Variants in ZKSCAN7 observed in about 807,000 individuals in gnomAD.
The protein encoded by ZKSCAN7 is zinc finger protein with KRAB and SCAN domains 7.
In ZKSCAN7, 38 loss-of-function variants were observed where a neutral mutation model predicts 65.3. The observed-to-expected ratio is 0.58, with a 90% CI of 0.45 to 0.76. ZKSCAN7 has a LOEUF of 0.76. Among genes scored for constraint, ZKSCAN7 ranks in the 30% least tolerant of loss-of-function variants. The probability of loss-of-function intolerance (pLI) is 0.00; values close to 1 mark genes in which losing one functional copy is unlikely to be tolerated. For missense variants in ZKSCAN7, 815 were observed against 913.3 expected (o/e 0.89, Z 1.39); for synonymous variants, 321 against 321.0 (o/e 1.00, Z 0.00).
chr3:44,566,612 T>TTTTA (rs1699638642), intron 3 of ZKSCAN7, among the ~76,000 whole-genome samples: 1 of 151,988 alleles, frequency 6.6e-6, no homozygotes, highest in Non-Finnish European at 1.5e-5. Flanking sequence ...GATAAGAACA[T>TTTTA]TTTATTTATT....
In ZKSCAN7 at chr3:44,571,254, G is replaced by T; in HGVS notation, c.2144G>T (p.Gly715Val). The change falls in exon 6 of 6, where the codon GGA becomes GTA. Residue 715 changes from glycine (G) to valine (V), a missense_variant. Around this residue, in one of 3 missense-constraint regions of ZKSCAN7, gnomAD observed 578 missense variants for 629.5 expected, o/e 0.92. Coordinates refer to ENST00000426540, the MANE Select transcript of ZKSCAN7 (RefSeq NM_001288590.2). ...ATTGTACACCAGAGAGTCCACACCGGAGAGAAACCTTATGAATGTAGTGAA... is the reference window on the plus strand; with the variant it reads ...ATTGTACACCAGAGAGTCCACACCGTAGAGAAACCTTATGAATGTAGTGAA... The part of the protein sequence containing the change: ...QLIVHQRVHT[G>V]EKPYECSECG... 6.2e-7 allele frequency: 1 copy of T among 1,614,218 alleles called. No homozygotes were observed. The highest frequency in any genetic ancestry group is 8.5e-7 in the Non-Finnish European group (1 of 1,180,044).
intron 5 of ZKSCAN7, 100 bp from the exon 6 acceptor site, chr3:44,569,822 C>G (rs1276326197): frequency 7.0e-7 from 1 of 1,435,256 alleles, no homozygotes; most frequent in Non-Finnish European, 9.1e-7. Flanking sequence ...ATTTCTTAAC[C>G]ATAATGTGAC....
chr3:44,572,089 T>C lies in ZKSCAN7; in HGVS notation c.*714T>C, dbSNP rs1180230783. The C allele has an allele frequency of 5.1e-6, 5 of 984,322 alleles. No homozygotes were observed. The highest frequency in any genetic ancestry group is 6.0e-6 in the Non-Finnish European group (5 of 828,902). 61.0% of individuals were successfully genotyped at this position (984,322 alleles called of 1,614,324 possible). On this transcript the variant is annotated 3_prime_UTR_variant, in exon 6 of 6. Coordinates refer to ENST00000426540, the MANE Select transcript of ZKSCAN7 (RefSeq NM_001288590.2). ...ATTGTAGGCTCTTTGAGGTCAGGTA[T>C]GTATTTCTTTCCCATATAGATAGTA...
chr3:44,568,475 C>T lies in ZKSCAN7; in HGVS notation c.811+42C>T, dbSNP rs1428322624. 3.8e-6 allele frequency: 6 copies of T among 1,590,358 alleles called. No homozygotes were observed. The African/African-American group carries it at 5.4e-5, about 14-fold the overall frequency. The stretch of plus-strand genomic sequence containing the variant: ...CTAGTCACTTAAAGTCTGCATGCTG[C>T]ACAATCTCTTTTCTATATTCCTTGT... On this transcript the variant is annotated intron_variant, in intron 5 of 5. Transcript: ENST00000426540.
At chr3:44,575,515 G>A (rs966956612), downstream of ZKSCAN7, among the ~76,000 whole-genome samples, 1 of 152,176 alleles carries the variant, frequency 6.6e-6, no homozygotes, top group Admixed American at 6.5e-5. Flanking sequence ...GTTTTATCAA[G>A]TTATAAAAAA....
chr3:44,568,236 C>G (rs1575370039), intron 4 of ZKSCAN7, 71 bp from the exon 5 acceptor site: 1 of 1,575,954 alleles, frequency 6.3e-7, no homozygotes, highest in Admixed American at 1.8e-5. Flanking sequence ...TACCCTGTGC[C>G]CTTCGTACCC....
At chr3:44,563,766 G>A (rs979347792) in intron 2 of ZKSCAN7, among the ~76,000 whole-genome samples, 7 of 151,956 alleles carry the variant, frequency 4.6e-5, no homozygotes, top group African/African-American at 1.7e-4. Context: ...TAATGAACAG[G>A]AACTTTACCA....
chr3:44,579,876 G>A (rs1700022794), intron 5 of ZKSCAN7: 3 of 1,609,424 alleles, frequency 1.9e-6, no homozygotes, highest in Admixed American at 1.7e-5. Flanking sequence ...TTGAAATTCA[G>A]CAGGTCGGGC....
Position 44,572,004 on chromosome 3 carries a change from A to G in ZKSCAN7, c.*629A>G, listed in dbSNP as rs1356065447. 2 of 985,984 alleles carry G rather than the reference A, an allele frequency of 2.0e-6. No homozygotes were observed. The allele number at this position is 985,984 out of a possible 1,614,324, so 61.1% of individuals were successfully genotyped here. ...GCTTTGAATTCACTGGTGCTACAAT[A>G]TGTAACTGTGGTTAATTGCCTTGTA... is the stretch of plus-strand genomic sequence containing the variant. On this transcript the variant is annotated 3_prime_UTR_variant, in exon 6 of 6. Coordinates refer to ENST00000426540, the MANE Select transcript of ZKSCAN7 (RefSeq NM_001288590.2).
At chr3:44,569,364 C>CT (rs1224089427) in intron 5 of ZKSCAN7, among the ~76,000 whole-genome samples, 1 of 152,184 alleles carries the variant, frequency 6.6e-6, no homozygotes, top group African/African-American at 2.4e-5. Context: ...TTAGGGCAGT[C>CT]TTTTTACTGT....
downstream of ZKSCAN7, among the ~76,000 whole-genome samples, chr3:44,573,041 A>C (rs1396057942): frequency 6.6e-6 from 1 of 152,118 alleles, no homozygotes; most frequent in African/African-American, 2.4e-5. Flanking sequence ...AGTCCTATCT[A>C]CCTACAACTG....
chr3:44,581,481 C>G (rs144621264), intron 5 of ZKSCAN7, among the ~76,000 whole-genome samples: 1 of 152,134 alleles, frequency 6.6e-6, no homozygotes, highest in African/African-American at 2.4e-5. Context: ...GGTTAGAGAA[C>G]TTTTTGGTTT....
chr3:44,557,353 C>T lies in ZKSCAN7; in HGVS notation c.306C>T (p.Phe102=), dbSNP rs768595487. 7.4e-6 allele frequency: 12 copies of T among 1,614,156 alleles called. No individual in the cohort carries two copies. Among genetic ancestry groups the T allele is most frequent in the Non-Finnish European group, 1.0e-5 (12 of 1,180,062 alleles). The stretch of plus-strand genomic sequence containing the variant: ...TGGAGCTGCTGGTGCTTGAGCAGTT[C>T]CTGAGCATCCTCCCTGGGGAGCTCC... The part of the protein sequence containing the change: ...QILELLVLEQ[F]LSILPGELRT... The change falls in exon 2 of 6, where the codon TTC becomes TTT. Residue 102 remains phenylalanine (F), a synonymous_variant. Transcript: ENST00000426540.
At chr3:44,560,504 A>G (rs1699437137) in intron 2 of ZKSCAN7, among the ~76,000 whole-genome samples, 1 of 96,536 alleles carries the variant, frequency 1.0e-5, no homozygotes, top group South Asian at 4.4e-4. Context: ...TGTTTCCTGT[A>G]TCTTTTTTTT....
chr3:44,573,294 G>A (rs146395105), downstream of ZKSCAN7, among the ~76,000 whole-genome samples: 562 of 152,242 alleles, frequency 3.7e-3, 2 homozygotes, highest in African/African-American at 0.013. Flanking sequence ...AACTTAATAG[G>A]TTTAGAGGAT....
chr3:44,568,647 T>C (rs113541702), intron 5 of ZKSCAN7, among the ~76,000 whole-genome samples: 6 of 152,332 alleles, frequency 3.9e-5, no homozygotes, highest in Middle Eastern at 3.4e-3. Context: ...GTGGTTTAGG[T>C]AGGGCTTCTT....
Position 44,556,927 on chromosome 3 carries a change from T to C in ZKSCAN7, c.-118-3T>C. On this transcript the variant is annotated splice_polypyrimidine_tract_variant and splice_region_variant and intron_variant, in intron 1 of 5. Transcript: ENST00000426540. ...AACTCTGATTTCACTCTTGTTTCTG[T>C]AGGCCACACTACCATCACCCCTTTC... The C allele has an allele frequency of 7.7e-7, 1 of 1,291,200 alleles. No homozygotes were observed. The allele number at this position is 1,291,200 out of a possible 1,614,324, so 80.0% of individuals were successfully genotyped here.
At chr3:44,572,849 CAAAAAAA>C (rs11339297), downstream of ZKSCAN7, among the ~76,000 whole-genome samples, 2 of 72,436 alleles carry the variant, frequency 2.8e-5, no homozygotes, top group Non-Finnish European at 5.5e-5. Flanking sequence ...GACTCTGTCT[CAAAAAAA>C]AAAAAAAAAA....
At chr3:44,561,721 A>G (rs1038537525) in intron 2 of ZKSCAN7, among the ~76,000 whole-genome samples, 4 of 152,332 alleles carry the variant, frequency 2.6e-5, no homozygotes, top group Middle Eastern at 3.4e-3. Flanking sequence ...TGCAAGTCCA[A>G]AACCAAGCAG....
Sources: gnomAD v4.1 joint callset for allele counts (sites outside exome capture counted in the v4.1 genomes callset) on GRCh38, gnomAD v4.1.1 for gene constraint, gnomAD v4.1.1 regional missense constraint, MANE v1.5 for transcripts, NCBI Gene and HGNC (gene_info 2026-07-23, HGNC 2026-07-21) for gene names.